Variants in MCTP1 observed in about 807,000 individuals in gnomAD.
The protein encoded by MCTP1 is multiple C2 and transmembrane domain-containing protein 1.
A neutral mutation model predicts 120.6 loss-of-function variants in MCTP1; 69 were observed. The observed-to-expected ratio is 0.57, with a 90% CI of 0.47 to 0.70. The LOEUF is 0.70. Ranked by LOEUF, MCTP1 falls within the 30% of genes least tolerant of loss-of-function variation. MCTP1 has a pLI of 0.00. For missense variants in MCTP1, 1,203 were observed against 1,248.8 expected, an observed-to-expected ratio of 0.96 and a Z score of 0.55; for synonymous variants, 529 against 493.1, an observed-to-expected ratio of 1.07 and a Z score of -0.96.
chr5:94,711,705 C>A (rs1757088552), intron 20 of MCTP1, among the ~76,000 whole-genome samples: 1 of 145,610 alleles, frequency 6.9e-6, no homozygotes, highest in South Asian at 2.2e-4. Context: ...GAAACGAGAC[C>A]AATGAACAGA....
intron 18 of MCTP1, among the ~76,000 whole-genome samples, chr5:94,788,400 T>C (rs1011936005): frequency 2.0e-5 from 3 of 152,196 alleles, no homozygotes; most frequent in East Asian, 1.9e-4. Context: ...CTCAGCGTTA[T>C]TGGACTCCTA....
chr5:94,872,595 G>T (rs1197277143), intron 13 of MCTP1, among the ~76,000 whole-genome samples: 1 of 152,038 alleles, frequency 6.6e-6, no homozygotes, highest in Non-Finnish European at 1.5e-5. Context: ...TGTAGCATTG[G>T]CAGCTTTTAC....
intron 1 of MCTP1, among the ~76,000 whole-genome samples, chr5:95,170,056 A>T (rs1260545567): frequency 1.3e-5 from 2 of 152,178 alleles, no homozygotes; most frequent in Admixed American, 1.3e-4. Flanking sequence ...TTAGTGCTAT[A>T]AATTTCCCTC....
chr5:95,224,603 G>A (rs1754056866), intron 1 of MCTP1, among the ~76,000 whole-genome samples: 1 of 151,630 alleles, frequency 6.6e-6, no homozygotes. Context: ...GACCTGCAGG[G>A]CTCAAATGAT....
intron 1 of MCTP1, among the ~76,000 whole-genome samples, chr5:95,132,531 G>A (rs4144672): frequency 0.14 from 20,768 of 152,212 alleles, 1,513 homozygotes; most frequent in Middle Eastern, 0.22. Flanking sequence ...ATGAGTGTGC[G>A]GAAGGCCGGA....
At chr5:95,158,430 A>C (rs2152470468) in intron 1 of MCTP1, among the ~76,000 whole-genome samples, 1 of 152,332 alleles carries the variant, frequency 6.6e-6, no homozygotes, top group African/African-American at 2.4e-5. Flanking sequence ...GGAAATACAA[A>C]AGGCTGTGAT....
chr5:94,727,398 C>A (rs1422896702), intron 19 of MCTP1, among the ~76,000 whole-genome samples: 1 of 152,156 alleles, frequency 6.6e-6, no homozygotes, highest in Non-Finnish European at 1.5e-5. Context: ...AAACCAAGGT[C>A]TTTAATAACC....
chr5:94,999,177 CAAAAT>C (rs1833171600), intron 2 of MCTP1, among the ~76,000 whole-genome samples: 1 of 152,050 alleles, frequency 6.6e-6, no homozygotes, highest in Non-Finnish European at 1.5e-5. Flanking sequence ...TTCCTATAGG[CAAAAT>C]ACATAAAAAT....
intron 1 of MCTP1, among the ~76,000 whole-genome samples, chr5:95,112,283 C>A (rs2152390503): frequency 6.6e-6 from 1 of 152,314 alleles, no homozygotes; most frequent in African/African-American, 2.4e-5. Context: ...GTATCTAGAA[C>A]AAATGCCCAA....
intron 2 of MCTP1, among the ~76,000 whole-genome samples, chr5:95,011,807 C>T (rs1331666516): frequency 2.0e-5 from 3 of 152,106 alleles, no homozygotes; most frequent in African/African-American, 4.8e-5. Context: ...ACTAATACAA[C>T]CATTATTTAT....
intron 1 of MCTP1, among the ~76,000 whole-genome samples, chr5:95,030,675 A>T (rs557542629): frequency 1.3e-5 from 2 of 152,342 alleles, no homozygotes; most frequent in East Asian, 3.9e-4. Context: ...TTTTTAAAAA[A>T]GTCTCATAGA....
intron 17 of MCTP1, among the ~76,000 whole-genome samples, chr5:94,834,490 C>T (rs1789249424): frequency 6.6e-6 from 1 of 152,106 alleles, no homozygotes; most frequent in East Asian, 1.9e-4. Flanking sequence ...CACTGTAAAC[C>T]TTATCTATGA....
At chr5:94,877,838 G>A (rs1219116066) in intron 12 of MCTP1, 2 of 152,162 alleles carry the variant, frequency 1.3e-5, no homozygotes, top group African/African-American at 4.8e-5. Context: ...CCGGAATATA[G>A]AGTTAATCCT....
At chr5:95,086,012 T>G (rs924503065) in intron 1 of MCTP1, among the ~76,000 whole-genome samples, 1 of 152,154 alleles carries the variant, frequency 6.6e-6, no homozygotes. Context: ...TGTATTTTTT[T>G]ACTATTGTTT....
At chr5:95,208,190 A>G (rs1751894534) in intron 1 of MCTP1, among the ~76,000 whole-genome samples, 1 of 152,128 alleles carries the variant, frequency 6.6e-6, no homozygotes, top group Non-Finnish European at 1.5e-5. Flanking sequence ...CCGGGGTTCA[A>G]GCAATTCTCC....
At position 95,064,165 on chromosome 5, in the gene MCTP1, A is replaced by G. The variant is rs182209899; in HGVS notation, c.721-46681T>C. Among the ~76,000 whole-genome samples, 1,116 of 152,356 alleles carry G rather than the reference A, an allele frequency of 7.3e-3. 7 individuals carry two copies. Among genetic ancestry groups the G allele is most frequent in the Non-Finnish European group, 0.011 (730 of 68,030 alleles). ...GTACATGCTTTAGGGTTGACAGACA[A>G]TCCATTAGAAACGAATTGATAATCA... On this transcript the variant is annotated intron_variant, in intron 1 of 22. Transcript: ENST00000515393.
rs956436892 is a variant in MCTP1 at position 95,276,323 on chromosome 5, A to G, written c.720+7533T>C. ...GCCCAGGCTGGAATGCAGTGGCGCTATCTCAGCTCATTGCAACCTCTGCAT... is the reference window on the plus strand; with the variant it reads ...GCCCAGGCTGGAATGCAGTGGCGCTGTCTCAGCTCATTGCAACCTCTGCAT... On this transcript the variant is annotated intron_variant, in intron 1 of 22. Transcript: ENST00000515393. 6.3e-5 allele frequency among the ~76,000 whole-genome samples: 8 copies of G among 127,692 alleles called. No individual in the cohort carries two copies. The Admixed American group carries it at 7.1e-4, about 11-fold the overall frequency. 83.8% of individuals were successfully genotyped at this position (127,692 alleles called of 152,430 possible).
intron 7 of MCTP1, among the ~76,000 whole-genome samples, chr5:94,922,997 C>G (rs1445332827): frequency 1.0e-5 from 1 of 99,550 alleles, no homozygotes; most frequent in African/African-American, 4.0e-5. Context: ...TAAAAAGCTG[C>G]AAAAAAAAAA....
intron 1 of MCTP1, among the ~76,000 whole-genome samples, chr5:95,172,938 C>G (rs370333511): frequency 1.3e-5 from 2 of 152,100 alleles, no homozygotes; most frequent in Non-Finnish European, 2.9e-5. Context: ...AACATAGTCC[C>G]TCTTCATTTA....
Sources: gnomAD v4.1 joint callset for allele counts (sites outside exome capture counted in the v4.1 genomes callset) on GRCh38, gnomAD v4.1.1 for gene constraint, MANE v1.5 for transcripts, NCBI Gene and HGNC (gene_info 2026-07-23, HGNC 2026-07-21) for gene names.